Variants in MYO10 observed in about 807,000 individuals in gnomAD.
MYO10 encodes unconventional myosin-X.
In MYO10, 133 loss-of-function variants were observed where a neutral mutation model predicts 257.3. That is an observed-to-expected ratio of 0.52 (90% CI 0.45 to 0.60). The LOEUF (loss-of-function observed/expected upper bound fraction) is 0.60, where lower values mean the gene tolerates loss of function less well. MYO10 is among the 20% of genes least tolerant of loss of function. The pLI, the probability that MYO10 is intolerant of heterozygous loss-of-function variation, is 0.00. For synonymous variants in MYO10, 1,104 were observed against 1,028.6 expected (o/e 1.07, Z -1.40); for missense variants, 2,399 against 2,635.7 (o/e 0.91, Z 1.97).
intron 1 of MYO10, among the ~76,000 whole-genome samples, chr5:16,914,086 G>A (rs17542583): frequency 0.058 from 8,823 of 152,222 alleles, 268 homozygotes; most frequent in Non-Finnish European, 0.079. Context: ...AAGTCTGTCC[G>A]ATCCTGACCA....
Position 16,664,493 on chromosome 5 carries a change from G to A in MYO10, c.*2199C>T, listed in dbSNP as rs1736082221. 1 of 152,220 alleles carries A rather than the reference G, an allele frequency of 6.6e-6. No individual in the cohort carries two copies. The highest frequency in any genetic ancestry group is 2.4e-5 in the African/African-American group (1 of 41,450). The allele number at this position is 152,220 out of a possible 1,614,324, so 9.4% of individuals were successfully genotyped here. A position where few individuals can be genotyped will look rare whatever the true frequency, so the allele number is the denominator to read the frequency against. ...GGGCCACAGGCTTCAGGCAGCACCT[G>A]GCTTCAGGTTCCATCCCAATCCCTG... On this transcript the variant is annotated 3_prime_UTR_variant, in exon 41 of 41. Transcript: ENST00000513610.
intron 10 of MYO10, among the ~76,000 whole-genome samples, chr5:16,767,926 C>T (rs745777613): frequency 4.6e-5 from 7 of 152,150 alleles, no homozygotes; most frequent in Non-Finnish European, 8.8e-5. Context: ...GATCCACCTG[C>T]CTCATCCTCC....
chr5:16,764,093 G>A (rs987321409), intron 12 of MYO10, among the ~76,000 whole-genome samples, 157 bp downstream of exon 12: 3 of 151,426 alleles, frequency 2.0e-5, no homozygotes, highest in African/African-American at 7.3e-5. Context: ...GTTGCAGTGA[G>A]CTGTGATCAC....
chr5:16,744,048 C>T (rs1416312665), intron 19 of MYO10, among the ~76,000 whole-genome samples: 1 of 152,076 alleles, frequency 6.6e-6, no homozygotes, highest in Non-Finnish European at 1.5e-5. Flanking sequence ...ATAAAAATGT[C>T]CATCCCGTGA....
At chr5:16,835,495 T>G (rs1266097075) in intron 2 of MYO10, among the ~76,000 whole-genome samples, 1 of 132,902 alleles carries the variant, frequency 7.5e-6, no homozygotes, top group African/African-American at 3.3e-5. Context: ...TTTGGCTGTT[T>G]TTTTTTTTTT....
chr5:16,755,532 T>C (rs1361706226), intron 18 of MYO10, among the ~76,000 whole-genome samples: 1 of 152,160 alleles, frequency 6.6e-6, no homozygotes, highest in Admixed American at 6.5e-5. Flanking sequence ...ATTTCAACGT[T>C]TAGTACAGAA....
At chr5:16,929,388 A>G (rs1434645449) in intron 1 of MYO10, among the ~76,000 whole-genome samples, 1 of 152,178 alleles carries the variant, frequency 6.6e-6, no homozygotes, top group Non-Finnish European at 1.5e-5. Context: ...GCCCACTTTT[A>G]GGGCATTTCA....
chr5:16,796,468 GAAAAGAAAAGA>G (rs71582460), intron 3 of MYO10, among the ~76,000 whole-genome samples: 3,075 of 52,928 alleles, frequency 0.058, 170 homozygotes, highest in African/African-American at 0.16. Flanking sequence ...AAGAAAGAAA[GAAAAGAAAAGA>G]AAAGAAAGAA....
At chr5:16,794,036 C>T (rs1419517813) in intron 4 of MYO10, among the ~76,000 whole-genome samples, 1 of 151,960 alleles carries the variant, frequency 6.6e-6, no homozygotes, top group African/African-American at 2.4e-5. Flanking sequence ...GAGTACGACT[C>T]AGCTAAAATA....
chr5:16,713,248 C>G (rs1738700854), intron 19 of MYO10: 1 of 910,812 alleles, frequency 1.1e-6, no homozygotes, highest in African/African-American at 1.8e-5. Flanking sequence ...TGTACAATTC[C>G]CCAGTCCGAA....
chr5:16,761,612 C>A, intron 16 of MYO10, 66 bp from the exon 17 acceptor site: 2 of 1,117,508 alleles, frequency 1.8e-6, no homozygotes. Flanking sequence ...TAAGCAACTT[C>A]CCTGAAAGAG....
chr5:16,923,715 CTAACA>C (rs1165629412), intron 1 of MYO10, among the ~76,000 whole-genome samples: 3 of 151,344 alleles, frequency 2.0e-5, no homozygotes, highest in Non-Finnish European at 2.9e-5. Context: ...TCCTGGCCAC[CTAACA>C]TGTGAACCAC....
chr5:16,802,514 G>A (rs574457879), intron 3 of MYO10, among the ~76,000 whole-genome samples: 133 of 151,600 alleles, frequency 8.8e-4, no homozygotes, highest in African/African-American at 3.1e-3. Flanking sequence ...AAAATTAGCC[G>A]GGCGTAGTGG....
chr5:16,693,051 G>A (rs1322263835), intron 27 of MYO10, among the ~76,000 whole-genome samples: 1 of 152,132 alleles, frequency 6.6e-6, no homozygotes, highest in Non-Finnish European at 1.5e-5. Flanking sequence ...GGATGGCTTT[G>A]AACCCACGAG....
intron 19 of MYO10, among the ~76,000 whole-genome samples, chr5:16,751,650 T>G (rs1409325787): frequency 1.5e-5 from 2 of 136,212 alleles, no homozygotes; most frequent in African/African-American, 5.1e-5. Context: ...CCTGGCTAAT[T>G]TTTTTTTTTT....
In MYO10 at chr5:16,664,801, T is replaced by C. The variant is rs1477219576; in HGVS notation, c.*1891A>G. On this transcript the variant is annotated 3_prime_UTR_variant, in exon 41 of 41. Coordinates refer to ENST00000513610, the MANE Select transcript of MYO10 (RefSeq NM_012334.3). ...TGACTTCATTTACCAGTCCCTTCTT[T>C]TGCTTTCTTGAAGTCACACTCAGTG... The C allele has an allele frequency of 5.3e-5, 8 of 152,300 alleles. 1 individual carries two copies. The East Asian group carries it at 1.5e-3, about 29-fold the overall frequency. 9.4% of individuals were successfully genotyped at this position (152,300 alleles called of 1,614,324 possible).
chr5:16,749,891 A>T (rs1485901408), intron 19 of MYO10, among the ~76,000 whole-genome samples: 2 of 152,222 alleles, frequency 1.3e-5, no homozygotes, highest in African/African-American at 4.8e-5. Flanking sequence ...TTTCTGAAGA[A>T]TGTTAATGAG....
intron 19 of MYO10, among the ~76,000 whole-genome samples, chr5:16,714,972 C>G (rs957274114): frequency 6.6e-6 from 1 of 152,016 alleles, no homozygotes; most frequent in Non-Finnish European, 1.5e-5. Context: ...AAAAGTATAG[C>G]TGGATTGTTT....
chr5:16,743,542 C>A (rs56331036), intron 19 of MYO10, among the ~76,000 whole-genome samples: 3,028 of 151,934 alleles, frequency 0.02, 95 homozygotes, highest in African/African-American at 0.07. Flanking sequence ...ACTCGGGAGG[C>A]TGAGGCAGGA....
Sources: gnomAD v4.1 joint callset for allele counts (sites outside exome capture counted in the v4.1 genomes callset) on GRCh38, gnomAD v4.1.1 for gene constraint, MANE v1.5 for transcripts, NCBI Gene and HGNC (gene_info 2026-07-23, HGNC 2026-07-21) for gene names.